Variants in PRKD1 observed in about 807,000 individuals in gnomAD.
PRKD1 encodes serine/threonine-protein kinase D1.
Under a neutral mutation model 95.9 loss-of-function variants are expected in PRKD1, and 63 were observed. The ratio of observed to expected loss-of-function variants is 0.66; its 90% CI spans 0.54 to 0.81. The LOEUF (loss-of-function observed/expected upper bound fraction) is 0.81, where lower values mean the gene tolerates loss of function less well. Among genes scored for constraint, PRKD1 ranks in the 30% least tolerant of loss-of-function variants. The pLI, the probability that PRKD1 is intolerant of heterozygous loss-of-function variation, is 0.00. For missense variants in PRKD1, 1,048 were observed against 1,165.3 expected (o/e 0.90, Z 1.47); for synonymous variants, 425 against 423.1 (o/e 1.00, Z -0.05).
At chr14:29,811,673 G>A (rs1190107041) in intron 1 of PRKD1, among the ~76,000 whole-genome samples, 3 of 152,216 alleles carry the variant, frequency 2.0e-5, no homozygotes, top group Admixed American at 2.0e-4. Flanking sequence ...AAGAGGCCAG[G>A]TTGGGCTTGG....
intron 1 of PRKD1, among the ~76,000 whole-genome samples, chr14:29,902,227 C>G (rs916950945): frequency 1.3e-5 from 2 of 151,390 alleles, no homozygotes; most frequent in South Asian, 4.2e-4. Flanking sequence ...CCATTGCACT[C>G]CAGCCTGGGC....
Position 29,826,738 on chromosome 14 carries a change from T to A in PRKD1, c.264+100511A>T, listed in dbSNP as rs1254197623. On this transcript the variant is annotated intron_variant, in intron 1 of 17. Transcript: ENST00000331968. ...ATATATATACATATATATACACATA[T>A]ATATACACATATATATATACATATA... is the stretch of plus-strand genomic sequence containing the variant. 3.0e-5 allele frequency among the ~76,000 whole-genome samples: 2 copies of A among 66,344 alleles called. 1 individual carries two copies. Among genetic ancestry groups the A allele is most frequent in the African/African-American group, 1.3e-4 (2 of 15,868 alleles). 43.5% of individuals were successfully genotyped at this position (66,344 alleles called of 152,430 possible). A position where few individuals can be genotyped will look rare whatever the true frequency, so the allele number is the denominator to read the frequency against.
chr14:29,592,065 CA>C (rs1193093421), intron 16 of PRKD1, among the ~76,000 whole-genome samples: 1 of 151,966 alleles, frequency 6.6e-6, no homozygotes, highest in Non-Finnish European at 1.5e-5. Context: ...CAAGTTCTTT[CA>C]AGGAACCGAG....
intron 4 of PRKD1, among the ~76,000 whole-genome samples, chr14:29,652,159 C>G (rs534487673): frequency 2.0e-5 from 3 of 152,318 alleles, no homozygotes; most frequent in South Asian, 4.1e-4. Context: ...CAGATGCCCA[C>G]AAGTAAATGC....
At chr14:29,821,566 T>C (rs577049229) in intron 1 of PRKD1, among the ~76,000 whole-genome samples, 1 of 152,178 alleles carries the variant, frequency 6.6e-6, no homozygotes, top group East Asian at 1.9e-4. Flanking sequence ...ACACACTGAA[T>C]CGCAAAATTA....
At chr14:29,619,948 A>G (rs1260240377) in intron 13 of PRKD1, among the ~76,000 whole-genome samples, 1 of 152,020 alleles carries the variant, frequency 6.6e-6, no homozygotes. Flanking sequence ...AGTAACCAAA[A>G]CAGCATGGTA....
chr14:29,625,950 A>T (rs1193771596), intron 12 of PRKD1, among the ~76,000 whole-genome samples: 1 of 152,140 alleles, frequency 6.6e-6, no homozygotes, highest in Non-Finnish European at 1.5e-5. Context: ...GGAATCTAAA[A>T]TAGCAGAAGT....
rs549961958 is a variant in PRKD1, at chr14:29,797,369, T to C, written c.265-71695A>G. Among the ~76,000 whole-genome samples the C allele has an allele frequency of 1.5e-3, 225 of 152,246 alleles. 2 individuals carry two copies. The highest frequency in any genetic ancestry group is 5.2e-3 in the African/African-American group (218 of 41,548). On this transcript the variant is annotated intron_variant, in intron 1 of 17. Coordinates refer to ENST00000331968, the MANE Select transcript of PRKD1 (RefSeq NM_002742.3). ...AGTTTACATCAATAAAACAGAGCAA[T>C]AGTAATTGTGTTATTATCTGTCACT...
intron 1 of PRKD1, among the ~76,000 whole-genome samples, chr14:29,824,789 T>C (rs1422283707): frequency 6.6e-6 from 1 of 152,148 alleles, no homozygotes; most frequent in African/African-American, 2.4e-5. Flanking sequence ...AAATCGGCCA[T>C]ATGAAATCTC....
At chr14:29,839,556 C>G (rs2139312977) in intron 1 of PRKD1, among the ~76,000 whole-genome samples, 1 of 152,242 alleles carries the variant, frequency 6.6e-6, no homozygotes, top group South Asian at 2.1e-4. Flanking sequence ...CTCACAGCTC[C>G]ACCAGGCAGT....
intron 1 of PRKD1, among the ~76,000 whole-genome samples, chr14:29,906,545 C>T (rs1894504156): frequency 6.7e-6 from 1 of 150,042 alleles, no homozygotes; most frequent in Admixed American, 6.6e-5. Context: ...AAAAAAAAAG[C>T]TAAACTCTGA....
chr14:29,826,651 A>ATG (rs1430957114), intron 1 of PRKD1, among the ~76,000 whole-genome samples: 1 of 39,882 alleles, frequency 2.5e-5, no homozygotes, highest in Non-Finnish European at 4.3e-5. Flanking sequence ...GTGTATATAT[A>ATG]TGTGTGTGTG....
chr14:29,754,068 A>G (rs1008451039), intron 1 of PRKD1, among the ~76,000 whole-genome samples: 1 of 152,170 alleles, frequency 6.6e-6, no homozygotes, highest in East Asian at 1.9e-4. Context: ...TCCTAAATAC[A>G]AAACTCTTTG....
At chr14:29,609,087 C>T (rs1386359210) in intron 13 of PRKD1, among the ~76,000 whole-genome samples, 1 of 152,190 alleles carries the variant, frequency 6.6e-6, no homozygotes. Context: ...ATATAACTCA[C>T]TGGACTCCGA....
chr14:29,739,437 A>G (rs942742915), intron 1 of PRKD1, among the ~76,000 whole-genome samples: 8 of 152,088 alleles, frequency 5.3e-5, no homozygotes, highest in Admixed American at 5.2e-4. Flanking sequence ...TTTCCTTCAT[A>G]ATTTTAAATT....
chr14:29,862,469 A>G (rs889883833), intron 1 of PRKD1, among the ~76,000 whole-genome samples: 1 of 152,204 alleles, frequency 6.6e-6, no homozygotes, highest in Non-Finnish European at 1.5e-5. Flanking sequence ...TGTTCTCCAT[A>G]GTGATTGTAA....
chr14:29,667,123 T>C (rs1487002044), intron 2 of PRKD1, among the ~76,000 whole-genome samples: 1 of 152,166 alleles, frequency 6.6e-6, no homozygotes, highest in Non-Finnish European at 1.5e-5. Context: ...CAGACCTATG[T>C]GCACACAGTA....
intron 1 of PRKD1, among the ~76,000 whole-genome samples, chr14:29,876,437 C>G (rs1893292724): frequency 6.6e-6 from 1 of 152,044 alleles, no homozygotes; most frequent in Admixed American, 6.5e-5. Flanking sequence ...GGTAGATACA[C>G]AAATCTATGC....
At chr14:29,787,906 A>C (rs566261779) in intron 1 of PRKD1, among the ~76,000 whole-genome samples, 29 of 152,108 alleles carry the variant, frequency 1.9e-4, no homozygotes, top group Non-Finnish European at 3.2e-4. Context: ...TATTTGCTTC[A>C]TTCCTTTATT....
Sources: allele counts gnomAD v4.1 joint callset (sites outside exome capture counted in the v4.1 genomes callset), GRCh38; gene constraint gnomAD v4.1.1; transcripts MANE v1.5; gene names NCBI Gene and HGNC (gene_info 2026-07-23, HGNC 2026-07-21).